The following MAF variants were observed in gnomAD, a reference collection of about 807,000 sequenced individuals.
The protein encoded by MAF is transcription factor Maf.
In MAF, 10 loss-of-function variants were observed where a neutral mutation model predicts 22.0. The ratio of observed to expected loss-of-function variants is 0.45; its 90% confidence interval spans 0.28 to 0.77. The LOEUF (loss-of-function observed/expected upper bound fraction) is 0.77. Ranked by LOEUF, MAF falls within the 30% of genes least tolerant of loss-of-function variation. The pLI is 0.12. For synonymous variants in MAF, 337 were observed against 255.8 expected (o/e 1.32, Z -3.03); for missense variants, 544 against 548.4 (o/e 0.99, Z 0.08).
chr16:79,260,369 C>G, the MAF span, among the ~76,000 whole-genome samples: 1 of 152,138 alleles, frequency 6.6e-6, no homozygotes, highest in African/African-American at 2.4e-5. Flanking sequence ...ACAGGCTGGT[C>G]TTGAAATCCT....
chr16:79,563,788 G>A, the MAF span, among the ~76,000 whole-genome samples: 1 of 151,872 alleles, frequency 6.6e-6, no homozygotes, highest in East Asian at 1.9e-4. Context: ...TGACCACTGA[G>A]ATGTTCTCAG....
the MAF span, among the ~76,000 whole-genome samples, chr16:79,474,114 G>A: frequency 6.6e-6 from 1 of 152,032 alleles, no homozygotes; most frequent in Non-Finnish European, 1.5e-5. Flanking sequence ...GAAATGATGA[G>A]GAAATAGGAG....
intron 1 of MAF, among the ~76,000 whole-genome samples, chr16:79,586,959 G>A (rs1265422340): frequency 6.6e-6 from 1 of 152,082 alleles, no homozygotes; most frequent in African/African-American, 2.4e-5. Context: ...CTTTTATTTG[G>A]ATTACCTTAC....
At chr16:79,310,358 C>T in the MAF span, among the ~76,000 whole-genome samples, 3 of 151,604 alleles carry the variant, frequency 2.0e-5, no homozygotes, top group East Asian at 5.8e-4. Flanking sequence ...CTGTTTCGGA[C>T]GAGAGAGAGA....
At chr16:79,380,593 G>A in the MAF span, among the ~76,000 whole-genome samples, 1 of 152,170 alleles carries the variant, frequency 6.6e-6, no homozygotes, top group Non-Finnish European at 1.5e-5. Context: ...CCATTATCAT[G>A]GTTTGTGATG....
the MAF span, chr16:79,206,732 A>G: frequency 2.6e-5 from 4 of 152,118 alleles, no homozygotes; most frequent in South Asian, 2.1e-4. Context: ...ACTTATTCCA[A>G]ATTGAATTGT....
the MAF span, among the ~76,000 whole-genome samples, chr16:79,417,946 C>T: frequency 6.6e-6 from 1 of 152,110 alleles, no homozygotes; most frequent in Non-Finnish European, 1.5e-5. Context: ...TGCTTCACCC[C>T]GGAGAGTTTC....
At chr16:79,319,684 A>G in the MAF span, among the ~76,000 whole-genome samples, 1 of 148,358 alleles carries the variant, frequency 6.7e-6, no homozygotes, top group Non-Finnish European at 1.5e-5. Flanking sequence ...TTGCATATTC[A>G]TTTCTCCTAT....
the MAF span, among the ~76,000 whole-genome samples, chr16:79,514,194 CA>C: frequency 6.6e-6 from 1 of 152,220 alleles, no homozygotes; most frequent in East Asian, 1.9e-4. Context: ...TGGAGAAAAG[CA>C]AATGTGTTCT....
At chr16:79,587,996 A>G (rs1291963564) in intron 1 of MAF, among the ~76,000 whole-genome samples, 1 of 152,136 alleles carries the variant, frequency 6.6e-6, no homozygotes, top group Non-Finnish European at 1.5e-5. Flanking sequence ...AGGAGGTCTC[A>G]CATCGGGGTA....
chr16:79,478,812 A>T, the MAF span, among the ~76,000 whole-genome samples: 1 of 151,888 alleles, frequency 6.6e-6, no homozygotes, highest in Non-Finnish European at 1.5e-5. Context: ...CCTGTGCACC[A>T]CCCTGGCATA....
At chr16:79,226,119 G>T in the MAF span, among the ~76,000 whole-genome samples, 1 of 152,084 alleles carries the variant, frequency 6.6e-6, no homozygotes, top group Non-Finnish European at 1.5e-5. Context: ...GTAAAGACTT[G>T]GAACCAACCC....
At chr16:79,597,275 G>C in intron 1 of MAF, 1 of 1,045,328 alleles carries the variant, frequency 9.6e-7, no homozygotes, top group Non-Finnish European at 1.2e-6. Context: ...CATTTTAACT[G>C]GGCTAACAGA....
the MAF span, among the ~76,000 whole-genome samples, chr16:79,517,393 TTTA>T: frequency 6.6e-6 from 1 of 152,194 alleles, no homozygotes; most frequent in Non-Finnish European, 1.5e-5. Context: ...AATTACATAA[TTTA>T]TTTTCTTAAC....
At chr16:79,523,959 G>T in the MAF span, among the ~76,000 whole-genome samples, 1 of 152,130 alleles carries the variant, frequency 6.6e-6, no homozygotes, top group Non-Finnish European at 1.5e-5. Context: ...TAATATAGTT[G>T]TCATGATCCT....
At chr16:79,519,946 G>T in the MAF span, among the ~76,000 whole-genome samples, 1 of 152,252 alleles carries the variant, frequency 6.6e-6, no homozygotes, top group Non-Finnish European at 1.5e-5. Flanking sequence ...GTCAATGCAA[G>T]ACCTTCTCCC....
At chr16:79,574,121 A>G in the MAF span, among the ~76,000 whole-genome samples, 3 of 152,226 alleles carry the variant, frequency 2.0e-5, no homozygotes, top group Middle Eastern at 3.2e-3. Context: ...GGAGATGAGA[A>G]ATTTAAAACG....
the MAF span, among the ~76,000 whole-genome samples, chr16:79,484,156 C>A: frequency 6.6e-6 from 1 of 152,170 alleles, no homozygotes; most frequent in Non-Finnish European, 1.5e-5. Flanking sequence ...AAGTCTTGCA[C>A]AGAGTTAAGG....
chr16:79,394,517 G>T, the MAF span, among the ~76,000 whole-genome samples: 2 of 152,140 alleles, frequency 1.3e-5, no homozygotes, highest in African/African-American at 2.4e-5. Flanking sequence ...ACAACTAGAT[G>T]GGGCACATAC....
Sources: gnomAD v4.1 joint callset for allele counts (sites outside exome capture counted in the v4.1 genomes callset) on GRCh38, gnomAD v4.1.1 for gene constraint, MANE v1.5 for transcripts, NCBI Gene and HGNC (gene_info 2026-07-23, HGNC 2026-07-21) for gene names.